CTNNA2: variants seen among roughly 807,000 people sequenced by gnomAD.
The protein encoded by CTNNA2 is catenin alpha-2.
In CTNNA2, 42 loss-of-function variants were observed where a neutral mutation model predicts 101.0. The ratio of observed to expected loss-of-function variants is 0.42; its 90% confidence interval spans 0.32 to 0.54. The LOEUF (loss-of-function observed/expected upper bound fraction) is 0.54. CTNNA2 is among the 20% of genes least tolerant of loss of function. The probability of loss-of-function intolerance (pLI) is 0.14; values close to 1 mark genes in which losing one functional copy is unlikely to be tolerated. For missense variants in CTNNA2, 871 were observed against 1,223.1 expected, an observed-to-expected ratio of 0.71 and a Z score of 4.29; for synonymous variants, 450 against 456.4, an observed-to-expected ratio of 0.99 and a Z score of 0.18.
intron 3 of CTNNA2, among the ~76,000 whole-genome samples, chr2:79,761,366 T>C (rs1672777682): frequency 6.6e-6 from 1 of 152,214 alleles, no homozygotes; most frequent in Non-Finnish European, 1.5e-5. Flanking sequence ...ATTAAGCCAA[T>C]CTGGCCTTCT....
intron 1 of CTNNA2, among the ~76,000 whole-genome samples, chr2:79,193,204 C>T (rs1181632316): frequency 6.6e-6 from 1 of 152,060 alleles, no homozygotes; most frequent in Non-Finnish European, 1.5e-5. Flanking sequence ...TGTATTCATT[C>T]TACTTGGGTG....
chr2:79,665,536 T>G (rs1682354719), intron 2 of CTNNA2, among the ~76,000 whole-genome samples: 1 of 152,212 alleles, frequency 6.6e-6, no homozygotes, highest in Non-Finnish European at 1.5e-5. Flanking sequence ...GACTGTCTCT[T>G]GTTTCCCAGT....
chr2:80,111,083 T>C (rs1214308657), intron 7 of CTNNA2, among the ~76,000 whole-genome samples: 1 of 152,100 alleles, frequency 6.6e-6, no homozygotes, highest in Non-Finnish European at 1.5e-5. Context: ...TCAGATCTTG[T>C]GAGAACTCAC....
intron 3 of CTNNA2, among the ~76,000 whole-genome samples, chr2:79,801,136 A>G (rs2105297222): frequency 6.6e-6 from 1 of 152,270 alleles, no homozygotes; most frequent in South Asian, 2.1e-4. Flanking sequence ...AATTTATGAG[A>G]GAGGGTGAAT....
At chr2:79,255,141 C>A (rs151087373) in intron 2 of CTNNA2, among the ~76,000 whole-genome samples, 4 of 152,118 alleles carry the variant, frequency 2.6e-5, no homozygotes, top group African/African-American at 9.7e-5. Flanking sequence ...CTCTTAAGAT[C>A]CCAGGTAATT....
At chr2:79,583,221 A>AT (rs1676258518) in intron 1 of CTNNA2, among the ~76,000 whole-genome samples, 3 of 151,212 alleles carry the variant, frequency 2.0e-5, no homozygotes, top group African/African-American at 7.3e-5. Context: ...ATATATATAT[A>AT]AAATATATAT....
intron 6 of CTNNA2, among the ~76,000 whole-genome samples, chr2:79,907,842 T>C: frequency 6.6e-6 from 1 of 152,238 alleles, no homozygotes; most frequent in East Asian, 1.9e-4. Flanking sequence ...AAGATTCCAG[T>C]GGACTTCAGA....
At chr2:79,845,658 C>A (rs1026943997) in intron 3 of CTNNA2, among the ~76,000 whole-genome samples, 2 of 152,074 alleles carry the variant, frequency 1.3e-5, no homozygotes, top group Non-Finnish European at 2.9e-5. Context: ...TTCATCATGA[C>A]CCTAGTGACA....
At chr2:79,205,027 C>A (rs138547321) in intron 2 of CTNNA2, among the ~76,000 whole-genome samples, 1 of 152,346 alleles carries the variant, frequency 6.6e-6, no homozygotes, top group African/African-American at 2.4e-5. Flanking sequence ...TTTAGTTTTT[C>A]TCTCTTGAAT....
intron 4 of CTNNA2, among the ~76,000 whole-genome samples, chr2:79,383,087 G>A (rs770817366): frequency 2.6e-4 from 40 of 152,256 alleles, no homozygotes; most frequent in South Asian, 8.3e-4. Context: ...TAAAAAGTTA[G>A]ATATCCAATA....
In CTNNA2 at chr2:79,903,151, GA is replaced by G. The variant is rs1208591921; in HGVS notation, c.853-6442del. Reference sequence around the variant, plus strand: ...TGCATTATTGGTGTTGTTAGTGTTAGAGGTCTAGGTTTTATCTTTGTCTCCT... The same window carrying G: ...TGCATTATTGGTGTTGTTAGTGTTAGGGTCTAGGTTTTATCTTTGTCTCCT... On this transcript the variant is annotated intron_variant, in intron 6 of 18. Coordinates refer to ENST00000402739, the MANE Select transcript of CTNNA2 (RefSeq NM_001282597.3). Among the ~76,000 whole-genome samples, 13 of 152,300 alleles carry G rather than the reference GA, an allele frequency of 8.5e-5. 1 individual carries two copies. The highest frequency in any genetic ancestry group is 3.1e-4 in the African/African-American group (13 of 41,580).
rs139180284 is a variant in CTNNA2 at position 80,321,815 on chromosome 2, A to T, written c.1057-71396A>T. Among the ~76,000 whole-genome samples the T allele has an allele frequency of 9.8e-3, 1,495 of 152,294 alleles. 29 individuals are homozygous for T. Among genetic ancestry groups the T allele is most frequent in the African/African-American group, 0.034 (1,417 of 41,550 alleles). On this transcript the variant is annotated intron_variant, in intron 7 of 18. Transcript: ENST00000402739. The stretch of plus-strand genomic sequence containing the variant: ...TAATGTAAATTGAGTTTTTACTGTG[A>T]CTATGTTTAATCAATACCTTATTTC...
intron 7 of CTNNA2, among the ~76,000 whole-genome samples, chr2:80,104,266 G>A (rs1464071679): frequency 6.6e-6 from 1 of 152,194 alleles, no homozygotes; most frequent in Non-Finnish European, 1.5e-5. Flanking sequence ...GCTTTTGGAG[G>A]ACAATACTTA....
intron 12 of CTNNA2, among the ~76,000 whole-genome samples, chr2:80,560,461 C>G (rs909129201): frequency 6.6e-6 from 1 of 152,060 alleles, no homozygotes; most frequent in African/African-American, 2.4e-5. Context: ...CCTGTATTGC[C>G]CAATGTTTTG....
chr2:79,366,344 G>A (rs555260176), intron 3 of CTNNA2, among the ~76,000 whole-genome samples: 16 of 152,316 alleles, frequency 1.1e-4, no homozygotes, highest in African/African-American at 3.8e-4. Flanking sequence ...ACACAGGCCG[G>A]CTAGGAACAA....
At chr2:79,818,580 G>C (rs1677719623) in intron 3 of CTNNA2, among the ~76,000 whole-genome samples, 1 of 151,736 alleles carries the variant, frequency 6.6e-6, no homozygotes, top group African/African-American at 2.4e-5. Flanking sequence ...CTCCCAAAGT[G>C]CTGGGATTAC....
chr2:80,564,133 T>G (rs1333533262), intron 12 of CTNNA2, among the ~76,000 whole-genome samples: 2 of 152,188 alleles, frequency 1.3e-5, no homozygotes, highest in Non-Finnish European at 2.9e-5. Flanking sequence ...ATGATCAAGA[T>G]AAGAATCTTT....
At chr2:79,281,853 G>C (rs1675395240) in intron 2 of CTNNA2, among the ~76,000 whole-genome samples, 1 of 152,170 alleles carries the variant, frequency 6.6e-6, no homozygotes, top group Non-Finnish European at 1.5e-5. Context: ...GAGCATGTTA[G>C]TTTTTAGAGT....
chr2:79,460,682 C>T (rs887781171), intron 4 of CTNNA2, among the ~76,000 whole-genome samples: 15 of 152,110 alleles, frequency 9.9e-5, no homozygotes, highest in African/African-American at 3.4e-4. Context: ...CAACACCAGA[C>T]TTTTAATGGA....
Sources: gnomAD v4.1 joint callset for allele counts (sites outside exome capture counted in the v4.1 genomes callset) on GRCh38, gnomAD v4.1.1 for gene constraint, MANE v1.5 for transcripts, NCBI Gene and HGNC (gene_info 2026-07-23, HGNC 2026-07-21) for gene names.